BTBD10: variants seen among roughly 807,000 people sequenced by gnomAD.
BTBD10 encodes BTB/POZ domain-containing protein 10.
In BTBD10, 21 loss-of-function variants were observed where a neutral mutation model predicts 53.2. That is an observed-to-expected ratio of 0.39 (90% CI 0.28 to 0.57). The LOEUF is 0.57. Among genes scored for constraint, BTBD10 ranks in the 20% least tolerant of loss-of-function variants. BTBD10 has a pLI of 0.53. For missense variants in BTBD10, 360 were observed against 594.7 expected (o/e 0.61, Z 4.10); for synonymous variants, 149 against 192.7 (o/e 0.77, Z 1.88).
At chr11:13,440,983 A>G (rs1262185268) in intron 2 of BTBD10, among the ~76,000 whole-genome samples, 1 of 152,202 alleles carries the variant, frequency 6.6e-6, no homozygotes, top group Non-Finnish European at 1.5e-5. Context: ...GATCTTTAAC[A>G]TCTTCAGCAG....
At chr11:13,395,843 A>G (rs1949534885) in intron 8 of BTBD10, among the ~76,000 whole-genome samples, 1 of 152,174 alleles carries the variant, frequency 6.6e-6, no homozygotes, top group Non-Finnish European at 1.5e-5. Flanking sequence ...AAGATCAGAT[A>G]GTTGTAGATA....
At chr11:13,444,894 A>G (rs190246141) in intron 2 of BTBD10, 130 bp downstream of exon 2, 2 of 538,514 alleles carry the variant, frequency 3.7e-6, no homozygotes, top group Non-Finnish European at 6.5e-6. Context: ...GGAGACAGAT[A>G]AACATTCACA....
At chr11:13,460,215 T>C (rs1440367870) in intron 1 of BTBD10, among the ~76,000 whole-genome samples, 1 of 152,206 alleles carries the variant, frequency 6.6e-6, no homozygotes, top group African/African-American at 2.4e-5. Context: ...TTCTATGTAG[T>C]CTCTGCACAA....
intron 8 of BTBD10, among the ~76,000 whole-genome samples, chr11:13,392,916 T>C (rs893050322): frequency 6.6e-6 from 1 of 152,212 alleles, no homozygotes; most frequent in African/African-American, 2.4e-5. Flanking sequence ...CAAGGACTAA[T>C]GATGGGAGTT....
intron 2 of BTBD10, among the ~76,000 whole-genome samples, chr11:13,422,903 TG>T: frequency 6.6e-6 from 1 of 152,328 alleles, no homozygotes; most frequent in South Asian, 2.1e-4. Context: ...CTCAGGAGCT[TG>T]TTTTCTAAGT....
chr11:13,417,076 T>C (rs1238446629), intron 5 of BTBD10, 82 bp downstream of exon 5: 3 of 932,182 alleles, frequency 3.2e-6, no homozygotes, highest in Non-Finnish European at 4.9e-6. Context: ...CAGAGAGATA[T>C]TCAAATAGAA....
At chr11:13,396,335 CTGTT>C (rs1361689290) in intron 8 of BTBD10, among the ~76,000 whole-genome samples, 20 of 152,120 alleles carry the variant, frequency 1.3e-4, no homozygotes, top group Admixed American at 3.3e-4. Context: ...ATTTGGCTCT[CTGTT>C]TGTCTGTTAT....
At chr11:13,409,149 C>T (rs1205783411) in intron 6 of BTBD10, among the ~76,000 whole-genome samples, 2 of 152,188 alleles carry the variant, frequency 1.3e-5, no homozygotes, top group Non-Finnish European at 2.9e-5. Flanking sequence ...ACTCACTCCA[C>T]TCCAACTATC....
At chr11:13,417,988 T>C (rs1042717534) in intron 4 of BTBD10, among the ~76,000 whole-genome samples, 1 of 152,160 alleles carries the variant, frequency 6.6e-6, no homozygotes, top group African/African-American at 2.4e-5. Context: ...TTCCAAAATA[T>C]GTCCTAAACA....
At chr11:13,440,231 C>T in intron 2 of BTBD10, 1 of 1,313,540 alleles carries the variant, frequency 7.6e-7, no homozygotes. Flanking sequence ...GACACTGACT[C>T]AGCCGTGGGT....
intron 7 of BTBD10, among the ~76,000 whole-genome samples, chr11:13,405,066 TA>T (rs1949789762): frequency 6.6e-6 from 1 of 151,584 alleles, no homozygotes; most frequent in Non-Finnish European, 1.5e-5. Context: ...CAAGAAAAAA[TA>T]ACAAAAAAAT....
intron 8 of BTBD10, among the ~76,000 whole-genome samples, chr11:13,399,361 C>G (rs1272629261): frequency 1.3e-5 from 2 of 152,158 alleles, no homozygotes; most frequent in Non-Finnish European, 2.9e-5. Flanking sequence ...CTTGTGCATT[C>G]GTCACGTAGT....
At chr11:13,462,989 G>A (rs1452460869) in intron 1 of BTBD10, 103 bp downstream of exon 1, 1 of 153,118 alleles carries the variant, frequency 6.5e-6, no homozygotes. Flanking sequence ...CAGCAGCCTG[G>A]CTCTCACGCC....
At chr11:13,418,990 T>G (rs1193747616) in intron 4 of BTBD10, among the ~76,000 whole-genome samples, 1 of 148,250 alleles carries the variant, frequency 6.7e-6, no homozygotes, top group Non-Finnish European at 1.5e-5. Flanking sequence ...TTTTTTTTTT[T>G]TAAAAGTATC....
At chr11:13,461,207 G>A (rs1951087498) in intron 1 of BTBD10, among the ~76,000 whole-genome samples, 1 of 152,142 alleles carries the variant, frequency 6.6e-6, no homozygotes, top group Non-Finnish European at 1.5e-5. Flanking sequence ...AAACTGGAGA[G>A]GAGAATACAA....
intron 2 of BTBD10, among the ~76,000 whole-genome samples, chr11:13,431,455 T>C (rs1263901726): frequency 2.6e-5 from 4 of 152,182 alleles, no homozygotes; most frequent in South Asian, 2.1e-4. Context: ...TCTAGTTACA[T>C]AAACAAATCC....
chr11:13,395,405 ATTTG>A (rs1260038705), intron 8 of BTBD10, among the ~76,000 whole-genome samples: 5 of 151,822 alleles, frequency 3.3e-5, no homozygotes, highest in Non-Finnish European at 5.9e-5. Flanking sequence ...TTTCTTGTAA[ATTTG>A]TTTGAGTTCA....
Position 13,417,265 on chromosome 11 carries a change from G to T in BTBD10, c.585-5C>A. 6.3e-7 allele frequency: 1 copy of T among 1,593,036 alleles called. No homozygotes were observed. Among genetic ancestry groups the T allele is most frequent in the Non-Finnish European group, 8.6e-7 (1 of 1,166,144 alleles). ...TCTCGGCCAGATCCAAACATCCTAT[G>T]ATAGTAAATAATTGAGAAATACGTC... On this transcript the variant is annotated splice_polypyrimidine_tract_variant and splice_region_variant and intron_variant, in intron 4 of 8. Transcript: ENST00000278174.
intron 1 of BTBD10, among the ~76,000 whole-genome samples, chr11:13,445,672 T>C (rs186726707): frequency 6.6e-6 from 1 of 152,210 alleles, no homozygotes; most frequent in South Asian, 2.1e-4. Context: ...TGAATAGAAA[T>C]TTAATTTTTA....
Sources: allele counts gnomAD v4.1 joint callset (sites outside exome capture counted in the v4.1 genomes callset), GRCh38; gene constraint gnomAD v4.1.1; transcripts MANE v1.5; gene names NCBI Gene and HGNC (gene_info 2026-07-23, HGNC 2026-07-21).